Variants in NPLOC4 observed in about 807,000 individuals in gnomAD.
NPLOC4 encodes the protein nuclear protein localization protein 4 homolog.
In NPLOC4, 18 loss-of-function variants were observed where a neutral mutation model predicts 80.6. That is an observed-to-expected ratio of 0.22 (90% CI 0.15 to 0.33). NPLOC4 has a LOEUF of 0.33. NPLOC4 is among the 10% of genes least tolerant of loss of function. The probability of loss-of-function intolerance (pLI) is 1.00; values close to 1 mark genes in which losing one functional copy is unlikely to be tolerated. For synonymous variants in NPLOC4, 313 were observed against 301.5 expected, an observed-to-expected ratio of 1.04 and a Z score of -0.39; for missense variants, 540 against 786.1, an observed-to-expected ratio of 0.69 and a Z score of 3.74.
rs2033759081 is a variant in NPLOC4 at position 81,559,163 on chromosome 17, C to T, written c.*96G>A. ...AGCCCCTTGTTCCTCCAGGGCTGCC[C>T]ACTATGGGGCAGTTACAGGGAACAC... On this transcript the variant is annotated 3_prime_UTR_variant, in exon 17 of 17. Coordinates refer to ENST00000331134, the MANE Select transcript of NPLOC4 (RefSeq NM_017921.4). The T allele has an allele frequency of 7.3e-7, 1 of 1,365,702 alleles. No homozygotes were observed. The highest frequency in any genetic ancestry group is 9.8e-7 in the Non-Finnish European group (1 of 1,022,102). The allele number at this position is 1,365,702 out of a possible 1,614,324, so 84.6% of individuals were successfully genotyped here. A position where few individuals can be genotyped will look rare whatever the true frequency, so the allele number is the denominator to read the frequency against.
At chr17:81,618,389 C>T (rs1173048053) in intron 3 of NPLOC4, among the ~76,000 whole-genome samples, 1 of 150,982 alleles carries the variant, frequency 6.6e-6, no homozygotes, top group African/African-American at 2.4e-5. Context: ...CCTGGCCGCC[C>T]CGTCTGAGAA....
chr17:81,559,394 T>A lies in NPLOC4; in HGVS notation c.1692A>T (p.Pro564=). 1 of 1,610,574 alleles carries A rather than the reference T, an allele frequency of 6.2e-7. No homozygotes were observed. Among genetic ancestry groups the A allele is most frequent in the South Asian group, 1.1e-5 (1 of 90,388 alleles). ...QLCSTVGGQL[P]GLHEYGAVGG... ...CGACGGCGCCGTACTCATGGAGACC[T>A]GGGAGCTGCCCGCCAACTGTGCCTG... The change falls in exon 17 of 17, where the codon CCA becomes CCT. Residue 564 remains proline, a synonymous_variant. Coordinates refer to ENST00000331134, the MANE Select transcript of NPLOC4 (RefSeq NM_017921.4).
intron 3 of NPLOC4, among the ~76,000 whole-genome samples, chr17:81,620,132 G>A (rs2035625010): frequency 6.6e-6 from 1 of 152,200 alleles, no homozygotes; most frequent in Non-Finnish European, 1.5e-5. Flanking sequence ...AAGATTACAA[G>A]AAGTAAGACA....
chr17:81,613,111 G>C (rs1598667689), intron 4 of NPLOC4: 1 of 477,468 alleles, frequency 2.1e-6, no homozygotes. Context: ...TTTTGAGGTG[G>C]AAACTGATAA....
At position 81,580,791 on chromosome 17, in the gene NPLOC4, A is replaced by C. The variant is rs1339894284; in HGVS notation, c.1281+8153T>G. The stretch of plus-strand genomic sequence containing the variant: ...GCCTGGCAATTCACAGGTGTTCTCT[A>C]AACATGAGAGAATGGATGCCGTGAG... On this transcript the variant is annotated intron_variant, in intron 12 of 16. Transcript: ENST00000331134. This position sits in a 1 kb window ranked among gnomAD's most constrained non-coding sequence, Gnocchi z 4.4. Among the ~76,000 whole-genome samples the C allele has an allele frequency of 6.6e-6, 1 of 152,200 alleles. No individual in the cohort carries two copies. Among genetic ancestry groups the C allele is most frequent in the Non-Finnish European group, 1.5e-5 (1 of 68,028 alleles).
chr17:81,567,501 C>T lies in NPLOC4; in HGVS notation c.1482G>A (p.Gln494=). Residue 494 remains glutamine (Q), a synonymous_variant, in exon 15 of 17, where the codon CAG becomes CAA. Coordinates refer to ENST00000331134, the MANE Select transcript of NPLOC4 (RefSeq NM_017921.4). The surrounding 1 kb of genome is among the most constrained non-coding windows in gnomAD (Gnocchi z 4.5). The part of the protein sequence containing the change: ...DFHSLATYLS[Q]NTSSVFLDTI... ...TATCCAAGAACACAGATGAGGTATT[C>T]TGAGACAAATAGGTGGCCAAGCTAT... The T allele has an allele frequency of 6.2e-7, 1 of 1,613,366 alleles. No individual in the cohort carries two copies. Among genetic ancestry groups the T allele is most frequent in the South Asian group, 1.1e-5 (1 of 90,964 alleles).
chr17:81,617,901 C>T (rs1167390270), intron 3 of NPLOC4, among the ~76,000 whole-genome samples: 1 of 152,228 alleles, frequency 6.6e-6, no homozygotes, highest in Non-Finnish European at 1.5e-5. Context: ...CCAAGTGATC[C>T]GCCAGCCTCG....
chr17:81,582,079 G>A (rs750619887), intron 12 of NPLOC4, among the ~76,000 whole-genome samples: 1 of 152,220 alleles, frequency 6.6e-6, no homozygotes, highest in Non-Finnish European at 1.5e-5. Context: ...AGACACCACA[G>A]TGAATCACCA....
At chr17:81,568,730 G>A (rs954837588) in intron 14 of NPLOC4, among the ~76,000 whole-genome samples, 6 of 152,242 alleles carry the variant, frequency 3.9e-5, no homozygotes, top group African/African-American at 1.4e-4. Context: ...ACAGTGACGA[G>A]GCTGCTGGCA....
intron 12 of NPLOC4, among the ~76,000 whole-genome samples, chr17:81,586,764 C>T (rs1825046420): frequency 6.6e-6 from 1 of 152,230 alleles, no homozygotes; most frequent in Non-Finnish European, 1.5e-5. Context: ...GGAAGACTGT[C>T]ACCTCACAAA....
At chr17:81,616,269 TGAGATCGCACCACTGCA>T (rs1320275849) in intron 3 of NPLOC4, among the ~76,000 whole-genome samples, 1 of 127,600 alleles carries the variant, frequency 7.8e-6, no homozygotes, top group Non-Finnish European at 1.6e-5. Flanking sequence ...TGCAGTGAGC[TGAGATCGCACCACTGCA>T]CTCCAGCCTG....
intron 6 of NPLOC4, 110 bp downstream of exon 6, chr17:81,608,618 C>A: frequency 1.4e-6 from 1 of 732,662 alleles, no homozygotes; most frequent in Non-Finnish European, 2.4e-6. Flanking sequence ...AGGCGTGTGA[C>A]CCCTTCTCAT....
rs1205860405 is a variant in NPLOC4 at position 81,567,188 on chromosome 17, A to G, written c.1566+229T>C. On this transcript the variant is annotated intron_variant, in intron 15 of 16. Transcript: ENST00000331134. The surrounding 1 kb of genome is among the most constrained non-coding windows in gnomAD (Gnocchi z 4.5). ...TTCCTCACAGAGGTGCAGACACTCAATGGAAATGCTAAAGGTGAAAAAATT... is the reference window on the plus strand; with the variant it reads ...TTCCTCACAGAGGTGCAGACACTCAGTGGAAATGCTAAAGGTGAAAAAATT... 6.6e-6 allele frequency among the ~76,000 whole-genome samples: 1 copy of G among 152,012 alleles called. No individual in the cohort carries two copies. Among genetic ancestry groups the G allele is most frequent in the Non-Finnish European group, 1.5e-5 (1 of 67,996 alleles).
intron 16 of NPLOC4, chr17:81,564,862 A>G (rs9912074): frequency 0.23 from 37,629 of 165,116 alleles, 4,652 homozygotes; most frequent in Admixed American, 0.3. Flanking sequence ...TAACAGAAGG[A>G]TTCTAGCATT....
At chr17:81,583,035 A>T (rs778138519) in intron 12 of NPLOC4, among the ~76,000 whole-genome samples, 1 of 152,282 alleles carries the variant, frequency 6.6e-6, no homozygotes, top group Admixed American at 6.5e-5. Flanking sequence ...CACAGCAGCC[A>T]CTGCCACGTG....
intron 5 of NPLOC4, among the ~76,000 whole-genome samples, 200 bp downstream of exon 5, chr17:81,610,010 G>A (rs1442473369): frequency 2.0e-5 from 3 of 152,154 alleles, no homozygotes; most frequent in Admixed American, 6.5e-5. Context: ...ATAATCCAGC[G>A]AGAAGGTCAC....
chr17:81,607,985 G>A (rs1284640592), intron 6 of NPLOC4, among the ~76,000 whole-genome samples: 1 of 152,236 alleles, frequency 6.6e-6, no homozygotes, highest in Non-Finnish European at 1.5e-5. Context: ...CTGGTAGGGT[G>A]TACAGAGAGC....
chr17:81,616,554 C>G (rs950979393), intron 3 of NPLOC4, among the ~76,000 whole-genome samples: 1 of 151,516 alleles, frequency 6.6e-6, no homozygotes, highest in African/African-American at 2.4e-5. Flanking sequence ...CACGGTGAAA[C>G]CCCGTCTCTA....
chr17:81,585,422 G>A (rs1189247225), intron 12 of NPLOC4, among the ~76,000 whole-genome samples: 1 of 151,974 alleles, frequency 6.6e-6, no homozygotes, highest in South Asian at 2.1e-4. Context: ...CCAGCACTTA[G>A]GGAGGCCAAA....
Sources: gnomAD v4.1 joint callset for allele counts (sites outside exome capture counted in the v4.1 genomes callset) on GRCh38, gnomAD v4.1.1 for gene constraint, Gnocchi (gnomAD v3.1) non-coding constraint, MANE v1.5 for transcripts, NCBI Gene and HGNC (gene_info 2026-07-23, HGNC 2026-07-21) for gene names.